The following KMT2C variants were observed in gnomAD, a reference collection of about 807,000 sequenced individuals.
The protein encoded by KMT2C is lysine methyltransferase 2C, also known as histone-lysine N-methyltransferase 2C.
In KMT2C, 88 loss-of-function variants were observed where a neutral mutation model predicts 507.9. The ratio of observed to expected loss-of-function variants is 0.17; its 90% CI spans 0.15 to 0.21. The LOEUF (loss-of-function observed/expected upper bound fraction) is 0.21. Ranked by LOEUF, KMT2C falls within the 10% of genes least tolerant of loss-of-function variation. The pLI is 1.00. For synonymous variants in KMT2C, 2,049 were observed against 2,080.8 expected (o/e 0.98, Z 0.42); for missense variants, 4,954 against 5,957.8 (o/e 0.83, Z 5.55).
intron 1 of KMT2C, chr7:152,367,571 A>G (rs1307720822): frequency 7.9e-7 from 1 of 1,272,694 alleles, no homozygotes; most frequent in Non-Finnish European, 1.1e-6. Context: ...TTCCTTACAG[A>G]TTTGTATGCT....
chr7:152,200,248 T>C (rs1291832277), intron 26 of KMT2C, among the ~76,000 whole-genome samples: 2 of 152,226 alleles, frequency 1.3e-5, no homozygotes, highest in Non-Finnish European at 2.9e-5. Context: ...CACTGTAGCA[T>C]ATTTTGTAAT....
At position 152,156,311 on chromosome 7, in the gene KMT2C, G is replaced by A; in HGVS notation, c.11706C>T (p.Ala3902=). The A allele has an allele frequency of 2.5e-6, 4 of 1,614,036 alleles. No homozygotes were observed. The highest frequency in any genetic ancestry group is 3.4e-6 in the Non-Finnish European group (4 of 1,179,930). ...NNLSNPPTPP[A]SLPPTPPPMA... ...TAGGAGGTGGTGTAGGAGGAAGAGA[G>A]GCAGGGGGTGTTGGAGGATTACTTA... The change falls in exon 45 of 59, where the codon GCC becomes GCT. Residue 3902 remains alanine, a synonymous_variant. Coordinates refer to ENST00000262189, the MANE Select transcript of KMT2C (RefSeq NM_170606.3).
intron 6 of KMT2C, among the ~76,000 whole-genome samples, chr7:152,300,743 T>A (rs895698782): frequency 5.3e-5 from 8 of 152,174 alleles, no homozygotes; most frequent in African/African-American, 1.9e-4. Flanking sequence ...TGTGATCTCT[T>A]AAGGTTTATC....
chr7:152,398,198 C>T (rs750934267), intron 1 of KMT2C, among the ~76,000 whole-genome samples: 9 of 152,112 alleles, frequency 5.9e-5, no homozygotes, highest in African/African-American at 1.7e-4. Flanking sequence ...TGTTTCTCAC[C>T]GTTGAAATAT....
intron 15 of KMT2C, among the ~76,000 whole-genome samples, chr7:152,237,327 C>T (rs1197874344): frequency 7.2e-5 from 11 of 151,788 alleles, no homozygotes; most frequent in East Asian, 1.9e-4. Flanking sequence ...ACAAAAGGAA[C>T]GGGAGGAATG....
intron 23 of KMT2C, among the ~76,000 whole-genome samples, chr7:152,218,317 C>A (rs1233709076): frequency 6.6e-6 from 1 of 152,072 alleles, no homozygotes; most frequent in Admixed American, 6.5e-5. Flanking sequence ...GTGCCTGCCA[C>A]CACACCCAGC....
At chr7:152,235,463 C>A (rs1332237900) in intron 16 of KMT2C, among the ~76,000 whole-genome samples, 3 of 151,542 alleles carry the variant, frequency 2.0e-5, no homozygotes, top group Non-Finnish European at 4.4e-5. Context: ...TGCTAGTTAG[C>A]AAATATATTT....
At chr7:152,314,117 T>C (rs1490304152) in intron 4 of KMT2C, among the ~76,000 whole-genome samples, 1 of 152,178 alleles carries the variant, frequency 6.6e-6, no homozygotes, top group African/African-American at 2.4e-5. Context: ...ATAGTACTTC[T>C]AAGTTTCCTT....
At chr7:152,180,644 C>G (rs1358967426) in intron 36 of KMT2C, 67 bp downstream of exon 36, 1 of 1,194,676 alleles carries the variant, frequency 8.4e-7, no homozygotes, top group Non-Finnish European at 1.2e-6. Flanking sequence ...AGAAATTACT[C>G]AGTTTGATGA....
At chr7:152,210,623 C>T (rs920733756) in intron 23 of KMT2C, among the ~76,000 whole-genome samples, 3 of 151,648 alleles carry the variant, frequency 2.0e-5, no homozygotes, top group Non-Finnish European at 2.9e-5. Context: ...CATTGTGGGC[C>T]ATGGAAGCCA....
chr7:152,357,212 G>A (rs1364431878), intron 2 of KMT2C, among the ~76,000 whole-genome samples: 1 of 151,314 alleles, frequency 6.6e-6, no homozygotes, highest in Non-Finnish European at 1.5e-5. Context: ...GGGAGAGAGA[G>A]CAAGACTCTG....
chr7:152,325,905 GTCTT>G (rs199976883), intron 3 of KMT2C, among the ~76,000 whole-genome samples: 2,886 of 150,928 alleles, frequency 0.019, 85 homozygotes, highest in African/African-American at 0.059. Flanking sequence ...AATAAATTAG[GTCTT>G]TCTTTTTTTT....
intron 1 of KMT2C, among the ~76,000 whole-genome samples, chr7:152,429,559 C>T (rs1206358335): frequency 1.3e-5 from 2 of 151,390 alleles, no homozygotes; most frequent in Admixed American, 6.6e-5. Context: ...CTCACTCTGT[C>T]GCCCAGGCTG....
intron 1 of KMT2C, among the ~76,000 whole-genome samples, chr7:152,422,226 C>T (rs953579319): frequency 6.7e-6 from 1 of 149,796 alleles, no homozygotes; most frequent in African/African-American, 2.5e-5. Flanking sequence ...GCAAGTGGAT[C>T]ACCTGAGGTC....
intron 1 of KMT2C, among the ~76,000 whole-genome samples, chr7:152,417,015 C>G (rs1294654982): frequency 1.5e-5 from 2 of 137,774 alleles, no homozygotes; most frequent in Non-Finnish European, 1.5e-5. Context: ...CACCACTGCA[C>G]TCTAGCCTGG....
intron 1 of KMT2C, among the ~76,000 whole-genome samples, chr7:152,369,613 G>C (rs2097276964): frequency 6.6e-6 from 1 of 152,114 alleles, no homozygotes; most frequent in Non-Finnish European, 1.5e-5. Context: ...GTTCTGAAAG[G>C]AGTTCTCACT....
At chr7:152,433,696 G>A (rs1279446901) in intron 1 of KMT2C, among the ~76,000 whole-genome samples, 2 of 152,230 alleles carry the variant, frequency 1.3e-5, no homozygotes, top group African/African-American at 4.8e-5. Flanking sequence ...TTATTCAGCA[G>A]AAATTTTTTA....
intron 8 of KMT2C, among the ~76,000 whole-genome samples, chr7:152,264,325 G>A (rs1340991903): frequency 6.6e-6 from 1 of 152,146 alleles, no homozygotes; most frequent in Non-Finnish European, 1.5e-5. Context: ...TGTAAATGAA[G>A]ATACTGGTAA....
rs1331566133 is a variant in KMT2C, at chr7:152,182,232, T to G, written c.5628A>C (p.Pro1876=). ...CAGGTGAAAACACTTGCGGTGAGGG[T>G]GGCTGAGAAGTCTGAGCCTGAGAAA... ...DSLSQAQTSQ[P]PSPQVFSPGS... The change falls in exon 36 of 59, where the codon CCA becomes CCC. Residue 1876 remains proline (P), a synonymous_variant. Coordinates refer to ENST00000262189, the MANE Select transcript of KMT2C (RefSeq NM_170606.3). The G allele has an allele frequency of 1.9e-6, 3 of 1,613,956 alleles. No homozygotes were observed. The East Asian group carries it at 6.7e-5, about 36-fold the overall frequency.
Sources: gnomAD v4.1 joint callset for allele counts (sites outside exome capture counted in the v4.1 genomes callset) on GRCh38, gnomAD v4.1.1 for gene constraint, MANE v1.5 for transcripts, NCBI Gene and HGNC (gene_info 2026-07-23, HGNC 2026-07-21) for gene names.